The following ASPDH variants were observed in gnomAD, a reference collection of about 807,000 sequenced individuals.
ASPDH encodes aspartate dehydrogenase domain-containing protein.
A neutral mutation model predicts 30.5 loss-of-function variants in ASPDH; 25 were observed. The observed-to-expected ratio is 0.82, with a 90% confidence interval of 0.60 to 1.14. The LOEUF (loss-of-function observed/expected upper bound fraction) is 1.14, where lower values mean the gene tolerates loss of function less well. ASPDH is among the 50% of genes most tolerant of loss of function. The probability of loss-of-function intolerance (pLI) is 0.00; values close to 1 mark genes in which losing one functional copy is unlikely to be tolerated. For missense variants in ASPDH, 401 were observed against 381.5 expected, an observed-to-expected ratio of 1.05 and a Z score of -0.43; for synonymous variants, 168 against 156.3, an observed-to-expected ratio of 1.07 and a Z score of -0.56.
At chr19:50,514,546 C>G (rs1343926223), upstream of ASPDH, 2 of 1,613,804 alleles carry the variant, frequency 1.2e-6, no homozygotes, top group South Asian at 1.1e-5. Context: ...CGTTCTCGCT[C>G]CCACGTCCGT....
chr19:50,512,862 C>A, intron 3 of ASPDH, 52 bp from the exon 4 acceptor site: 2 of 1,598,630 alleles, frequency 1.3e-6, no homozygotes, highest in Middle Eastern at 1.7e-4. Context: ...ATATCCACTT[C>A]AGGGTGGGGT....
chr19:50,512,962 A>AT lies in ASPDH; in HGVS notation c.246dup (p.Ser83IlefsTer21). ...GCATGGCGCAGGATTTGTGCCCCAG[A>AT]TTCATGGATTATTTTGGGATGGGCC... On this transcript the variant is annotated frameshift_variant, in exon 3 of 7. Coordinates refer to ENST00000389208, the MANE Select transcript of ASPDH (RefSeq NM_001114598.2). LOFTEE classifies it high-confidence loss of function. 6 of 1,613,650 alleles carry AT rather than the reference A, an allele frequency of 3.7e-6. No homozygotes were observed. The highest frequency in any genetic ancestry group is 1.1e-5 in the South Asian group (1 of 91,024).
Position 50,513,779 on chromosome 19 carries a change from G to T in ASPDH, c.45C>A (p.Gly15=). 1 of 1,549,936 alleles carries T rather than the reference G, an allele frequency of 6.5e-7. No individual in the cohort carries two copies. Among genetic ancestry groups the T allele is most frequent in the Non-Finnish European group, 8.7e-7 (1 of 1,145,648 alleles). ...GPWRVGVVGY[G]RLGQSLVSRL... ...GGATGGTCAGGGACTCACCGAGGCG[G>T]CCATAGCCCACCACGCCCACCCTCC... Residue 15 remains glycine, a synonymous_variant, in exon 1 of 7, where the codon GGC becomes GGA. Transcript: ENST00000389208. The surrounding 1 kb of genome is among the most constrained non-coding windows in gnomAD (Gnocchi z 4.9).
chr19:50,514,019 C>T, upstream of ASPDH: 1 of 652,358 alleles, frequency 1.5e-6, no homozygotes, highest in East Asian at 2.8e-5. Context: ...GTGCTCTGTC[C>T]ACTTTCCCGG....
upstream of ASPDH, among the ~76,000 whole-genome samples, chr19:50,514,165 A>G (rs1980127398): frequency 6.6e-6 from 1 of 152,058 alleles, no homozygotes; most frequent in African/African-American, 2.4e-5. Context: ...CTGGCCGGCC[A>G]GGTTGTCATG....
chr19:50,514,157 G>C (rs1247402847), upstream of ASPDH, among the ~76,000 whole-genome samples: 1 of 152,136 alleles, frequency 6.6e-6, no homozygotes, highest in Admixed American at 6.5e-5. Context: ...CCCCCTCTCT[G>C]GCCGGCCAGG....
upstream of ASPDH, chr19:50,515,091 A>G (rs1980179535): frequency 1.0e-6 from 1 of 985,266 alleles, no homozygotes. Context: ...GAGTGTCCCC[A>G]TAGTGCCCAT....
chr19:50,513,760 T>A lies in ASPDH; in HGVS notation c.52+12A>T. ...GTTTGGGGAAGGAGGCCAAGGATGGTCAGGGACTCACCGAGGCGGCCATAG... is the reference window on the plus strand; with the variant it reads ...GTTTGGGGAAGGAGGCCAAGGATGGACAGGGACTCACCGAGGCGGCCATAG... On this transcript the variant is annotated intron_variant, in intron 1 of 6. Transcript: ENST00000389208. The surrounding 1 kb of genome is among the most constrained non-coding windows in gnomAD (Gnocchi z 4.9). The A allele has an allele frequency of 6.5e-7, 1 of 1,539,330 alleles. No individual in the cohort carries two copies.
rs527493722 is a variant in ASPDH, at chr19:50,511,603, G to C, written c.*127C>G. The C allele has an allele frequency of 1.8e-5, 9 of 500,520 alleles. No homozygotes were observed. The highest frequency in any genetic ancestry group is 6.2e-5 in the South Asian group (1 of 16,170). 31.0% of individuals were successfully genotyped at this position (500,520 alleles called of 1,614,324 possible). ...AGGGATCAGAGACGCCAGGCGGTGC[G>C]GGGGGAGGCAGCGGTGATCTTTACT... On this transcript the variant is annotated 3_prime_UTR_variant, in exon 7 of 7. Transcript: ENST00000389208.
upstream of ASPDH, chr19:50,514,901 G>A (rs1980168784): frequency 1.0e-6 from 1 of 985,420 alleles, no homozygotes; most frequent in Non-Finnish European, 1.2e-6. Flanking sequence ...ACCCCGACGT[G>A]GCACCCAAAG....
upstream of ASPDH, chr19:50,514,817 G>GGGGGGGGGGC: frequency 6.4e-6 from 3 of 466,546 alleles, no homozygotes; most frequent in Non-Finnish European, 1.0e-5. Context: ...GGGGGGGCGG[G>GGGGGGGGGGC]CACTGGGTGG....
Position 50,513,435 on chromosome 19 carries a change from G to A in ASPDH, c.53-19C>T. The A allele has an allele frequency of 6.8e-7, 1 of 1,465,430 alleles. No individual in the cohort carries two copies. The highest frequency in any genetic ancestry group is 1.4e-5 in the South Asian group (1 of 69,372). 90.8% of individuals were successfully genotyped at this position (1,465,430 alleles called of 1,614,324 possible). A position where few individuals can be genotyped will look rare whatever the true frequency, so the allele number is the denominator to read the frequency against. ...GACTGTCCTGGGGAGAGGGAAAGGA[G>A]AGGGCTAGAGATCCAGAGAGAGGGG... On this transcript the variant is annotated intron_variant, in intron 1 of 6. Transcript: ENST00000389208. The surrounding 1 kb of genome is among the most constrained non-coding windows in gnomAD (Gnocchi z 4.9).
Position 50,511,643 on chromosome 19 carries a change from A to G in ASPDH, c.*87T>C. Reference sequence around the variant, plus strand: ...TGATCTTTACTGAGTCAGAAGGGAGACCCTGGGGAAGTGGGGCAGGGCAGG... The same window carrying G: ...TGATCTTTACTGAGTCAGAAGGGAGGCCCTGGGGAAGTGGGGCAGGGCAGG... On this transcript the variant is annotated 3_prime_UTR_variant, in exon 7 of 7. Transcript: ENST00000389208. 1 of 770,800 alleles carries G rather than the reference A, an allele frequency of 1.3e-6. No individual in the cohort carries two copies. The allele number at this position is 770,800 out of a possible 1,614,324, so 47.7% of individuals were successfully genotyped here. A position where few individuals can be genotyped will look rare whatever the true frequency, so the allele number is the denominator to read the frequency against.
upstream of ASPDH, chr19:50,514,415 C>G (rs1980139542): frequency 1.9e-6 from 3 of 1,608,776 alleles, no homozygotes; most frequent in South Asian, 3.3e-5. Context: ...AGCACGGGTC[C>G]CCTTCCCACA....
upstream of ASPDH, chr19:50,514,797 G>T: frequency 8.8e-7 from 1 of 1,131,002 alleles, no homozygotes; most frequent in African/African-American, 1.6e-5. Context: ...GTGAACGGGA[G>T]CATGGGGTGG....
At position 50,512,662 on chromosome 19, in the gene ASPDH, C is replaced by G; in HGVS notation, c.431G>C (p.Arg144Pro). The G allele has an allele frequency of 6.5e-7, 1 of 1,536,764 alleles. No individual in the cohort carries two copies. Among genetic ancestry groups the G allele is most frequent in the Non-Finnish European group, 8.8e-7 (1 of 1,140,996 alleles). ...CCTGGGGAGCCCAGCAGGCCTCACC[C>G]GGAGGCCCCCAGCTGCATCCAATCT... ...IRRLDAAGGL[R>P]SLRVTMATHP... The change falls in exon 4 of 7, where the codon CGG becomes CCG. Residue 144 changes from arginine (R) to proline (P), a missense_variant and splice_region_variant. Coordinates refer to ENST00000389208, the MANE Select transcript of ASPDH (RefSeq NM_001114598.2).
Position 50,511,699 on chromosome 19 carries a change from G to T in ASPDH, c.*31C>A. ...GATGGTGGTGGTGAGAGGCCAGGCA[G>T]ATGATCTTGTCTCGGGAGGGAGGAG... On this transcript the variant is annotated 3_prime_UTR_variant, in exon 7 of 7. Coordinates refer to ENST00000389208, the MANE Select transcript of ASPDH (RefSeq NM_001114598.2). The T allele has an allele frequency of 7.8e-7, 1 of 1,290,052 alleles. No homozygotes were observed. 79.9% of individuals were successfully genotyped at this position (1,290,052 alleles called of 1,614,324 possible). A position where few individuals can be genotyped will look rare whatever the true frequency, so the allele number is the denominator to read the frequency against.
chr19:50,513,720 G>A lies in ASPDH; in HGVS notation c.52+52C>T. The stretch of plus-strand genomic sequence containing the variant: ...GTTTGTGGAGGGCAGAGAGTCTTGG[G>A]AGCTTTAGGAAGGGGTTTGGGGAAG... On this transcript the variant is annotated intron_variant, in intron 1 of 6. Coordinates refer to ENST00000389208, the MANE Select transcript of ASPDH (RefSeq NM_001114598.2). This position sits in a 1 kb window ranked among gnomAD's most constrained non-coding sequence, Gnocchi z 4.9. 1.3e-5 allele frequency: 17 copies of A among 1,343,002 alleles called. No individual in the cohort carries two copies. Among genetic ancestry groups the A allele is most frequent in the East Asian group, 2.5e-5 (1 of 39,888 alleles). 83.2% of individuals were successfully genotyped at this position (1,343,002 alleles called of 1,614,324 possible). A position where few individuals can be genotyped will look rare whatever the true frequency, so the allele number is the denominator to read the frequency against.
Position 50,513,040 on chromosome 19 carries a change from C to A in ASPDH, c.198-29G>T. 6.3e-7 allele frequency: 1 copy of A among 1,578,698 alleles called. No individual in the cohort carries two copies. The highest frequency in any genetic ancestry group is 1.1e-5 in the South Asian group (1 of 88,644). ...GGAGAGGGGAAAGAGGGCGGAGGGT[C>A]TTGGAGAGGTATTAGGCCTCTTCTC... On this transcript the variant is annotated intron_variant, in intron 2 of 6. Coordinates refer to ENST00000389208, the MANE Select transcript of ASPDH (RefSeq NM_001114598.2). The surrounding 1 kb of genome is among the most constrained non-coding windows in gnomAD (Gnocchi z 4.9).
Sources: allele counts gnomAD v4.1 joint callset (sites outside exome capture counted in the v4.1 genomes callset), GRCh38; gene constraint gnomAD v4.1.1; non-coding constraint Gnocchi (gnomAD v3.1); transcripts MANE v1.5; gene names NCBI Gene and HGNC (gene_info 2026-07-23, HGNC 2026-07-21).